IQCH: variants seen among roughly 807,000 people sequenced by gnomAD.
IQCH encodes IQ domain-containing protein H.
Under a neutral mutation model 117.0 loss-of-function variants are expected in IQCH, and 98 were observed. The observed-to-expected ratio is 0.84, with a 90% CI of 0.71 to 0.99. The LOEUF is 0.99. Among genes scored for constraint, IQCH ranks in the 50% least tolerant of loss-of-function variants. The pLI, the probability that IQCH is intolerant of heterozygous loss-of-function variation, is 0.00. For missense variants in IQCH, 1,102 were observed against 1,243.8 expected (o/e 0.89, Z 1.72); for synonymous variants, 412 against 448.2 (o/e 0.92, Z 1.02).
chr15:67,300,056 T>G lies in IQCH; in HGVS notation c.387+20544T>G, dbSNP rs551391182. ...TTATATTTCTATCATTCCTTTGCAT[T>G]TTTTTAGCCTCTATGAGGAAGTTTT... On this transcript the variant is annotated intron_variant, in intron 4 of 20. Coordinates refer to ENST00000335894, the MANE Select transcript of IQCH (RefSeq NM_001031715.3). Among the ~76,000 whole-genome samples the G allele has an allele frequency of 3.9e-5, 6 of 152,242 alleles. No homozygotes were observed. The East Asian group carries it at 1.2e-3, about 29-fold the overall frequency.
intron 15 of IQCH, among the ~76,000 whole-genome samples, chr15:67,420,213 C>T (rs1470490600): frequency 2.0e-5 from 3 of 152,160 alleles, no homozygotes; most frequent in Non-Finnish European, 2.9e-5. Context: ...GTTAGGACTA[C>T]CTCTGACCAA....
intron 18 of IQCH, among the ~76,000 whole-genome samples, chr15:67,483,371 T>G (rs2141068816): frequency 6.6e-6 from 1 of 152,220 alleles, no homozygotes; most frequent in Admixed American, 6.5e-5. Context: ...ACAAAAATTA[T>G]CTGGGCGTGA....
At chr15:67,414,571 T>C (rs1330166847) in intron 14 of IQCH, among the ~76,000 whole-genome samples, 1 of 151,814 alleles carries the variant, frequency 6.6e-6, no homozygotes, top group Non-Finnish European at 1.5e-5. Context: ...GATCCTCAAG[T>C]TGAAGGAGAT....
chr15:67,362,149 CCACA>C (rs5813439), intron 8 of IQCH, among the ~76,000 whole-genome samples: 43,418 of 150,334 alleles, frequency 0.29, 6,323 homozygotes, highest in South Asian at 0.37. Context: ...TACGCACACA[CCACA>C]CACACACACA....
At chr15:67,499,656 TAA>T in intron 20 of IQCH, among the ~76,000 whole-genome samples, 1 of 151,920 alleles carries the variant, frequency 6.6e-6, no homozygotes, top group African/African-American at 2.4e-5. Flanking sequence ...ACATTAATGT[TAA>T]TAGAAGGAAT....
At chr15:67,492,395 G>C (rs2083681342) in intron 19 of IQCH, among the ~76,000 whole-genome samples, 1 of 152,176 alleles carries the variant, frequency 6.6e-6, no homozygotes, top group Admixed American at 6.5e-5. Flanking sequence ...TACATAGGAT[G>C]AGGCTGGGAG....
Position 67,479,466 on chromosome 15 carries a change from C to T in IQCH, c.2799+3648C>T, listed in dbSNP as rs2083290982. Reference sequence around the variant, plus strand: ...TCTCTATTTCTAAAATATTACCAACCCAGTCAAGAAGAATTCTGGAATCCA... The same window carrying T: ...TCTCTATTTCTAAAATATTACCAACTCAGTCAAGAAGAATTCTGGAATCCA... On this transcript the variant is annotated intron_variant, in intron 18 of 20. Coordinates refer to ENST00000335894, the MANE Select transcript of IQCH (RefSeq NM_001031715.3). This position sits in a 1 kb window ranked among gnomAD's most constrained non-coding sequence, Gnocchi z 4.6. Among the ~76,000 whole-genome samples the T allele has an allele frequency of 6.6e-6, 1 of 152,136 alleles. No homozygotes were observed. Among genetic ancestry groups the T allele is most frequent in the East Asian group, 1.9e-4 (1 of 5,202 alleles).
At chr15:67,480,447 G>A (rs945162832) in intron 18 of IQCH, among the ~76,000 whole-genome samples, 3 of 152,148 alleles carry the variant, frequency 2.0e-5, no homozygotes, top group East Asian at 1.9e-4. Flanking sequence ...GGGTCCCTGC[G>A]TGTACTCACA....
At chr15:67,462,901 C>T (rs889914237) in intron 16 of IQCH, among the ~76,000 whole-genome samples, 1 of 152,110 alleles carries the variant, frequency 6.6e-6, no homozygotes, top group African/African-American at 2.4e-5. Context: ...TTTAAGTTGA[C>T]AAATAGGATA....
chr15:67,451,636 A>T (rs1298355022), intron 16 of IQCH, among the ~76,000 whole-genome samples: 1 of 152,184 alleles, frequency 6.6e-6, no homozygotes, highest in Non-Finnish European at 1.5e-5. Flanking sequence ...GGAGTGCTTT[A>T]CTTCCAACTG....
chr15:67,274,709 T>C (rs772560515), intron 3 of IQCH, among the ~76,000 whole-genome samples: 28 of 152,232 alleles, frequency 1.8e-4, no homozygotes, highest in Non-Finnish European at 3.7e-4. Context: ...TGTTTGCTGT[T>C]GATGTGCCTG....
intron 20 of IQCH, among the ~76,000 whole-genome samples, chr15:67,498,227 G>GT (rs2083879639): frequency 6.6e-6 from 1 of 152,132 alleles, no homozygotes; most frequent in African/African-American, 2.4e-5. Flanking sequence ...TTTGGCAAGG[G>GT]TGCTGAAACA....
chr15:67,312,458 T>C (rs751073683), intron 4 of IQCH, among the ~76,000 whole-genome samples: 6 of 152,246 alleles, frequency 3.9e-5, no homozygotes, highest in South Asian at 4.1e-4. Context: ...GGACAAAGTA[T>C]GCATCAGAAC....
chr15:67,395,266 C>G lies in IQCH; in HGVS notation c.1633-25C>G, dbSNP rs1374045793. 2.0e-5 allele frequency: 32 copies of G among 1,596,742 alleles called. No homozygotes were observed. Among genetic ancestry groups the G allele is most frequent in the Non-Finnish European group, 2.6e-5 (31 of 1,170,530 alleles). The stretch of plus-strand genomic sequence containing the variant: ...GACTAGAAAAAAGGACACCTTTTAA[C>G]AAGAATAATATGATCTTCCCCCAGA... On this transcript the variant is annotated intron_variant, in intron 12 of 20. Coordinates refer to ENST00000335894, the MANE Select transcript of IQCH (RefSeq NM_001031715.3). This position sits in a 1 kb window ranked among gnomAD's most constrained non-coding sequence, Gnocchi z 4.0.
rs767364145 is a variant in IQCH at position 67,279,459 on chromosome 15, T to A, written c.334T>A (p.Trp112Arg). 1 of 1,612,110 alleles carries A rather than the reference T, an allele frequency of 6.2e-7. No individual in the cohort carries two copies. The highest frequency in any genetic ancestry group is 1.1e-5 in the South Asian group (1 of 90,824). ...IFPQESEGTF[W>R]QPQRQHSSSL... ...CCCTCAGGAATCTGAGGGTACATTT[T>A]GGCAACCCCAAAGACAGCACAGTTC... is the stretch of plus-strand genomic sequence containing the variant. The change falls in exon 4 of 21, where the codon TGG becomes AGG. Residue 112 changes from tryptophan (W) to arginine (R), a missense_variant. Trp to Arg is a moderately radical substitution (Grantham distance 101). Coordinates refer to ENST00000335894, the MANE Select transcript of IQCH (RefSeq NM_001031715.3).
intron 1 of IQCH, chr15:67,255,271 T>G: frequency 2.6e-6 from 1 of 381,872 alleles, no homozygotes; most frequent in Non-Finnish European, 4.8e-6. Flanking sequence ...CTGAAAAATT[T>G]GAACCCATGA....
Position 67,494,424 on chromosome 15 carries a change from C to T in IQCH, c.2970+58C>T. ...ATTTCTATACAAGGGCTGAAAATAC[C>T]TCATGCTGTATTGTAAACAAGTGCT... On this transcript the variant is annotated intron_variant, in intron 20 of 20. Transcript: ENST00000335894. The surrounding 1 kb of genome is among the most constrained non-coding windows in gnomAD (Gnocchi z 5.5). The T allele has an allele frequency of 3.4e-6, 4 of 1,162,334 alleles. No homozygotes were observed. Among genetic ancestry groups the T allele is most frequent in the South Asian group, 1.4e-5 (1 of 73,436 alleles). 72.0% of individuals were successfully genotyped at this position (1,162,334 alleles called of 1,614,324 possible). A position where few individuals can be genotyped will look rare whatever the true frequency, so the allele number is the denominator to read the frequency against.
chr15:67,301,669 C>G (rs772620668), intron 4 of IQCH, among the ~76,000 whole-genome samples: 78 of 152,034 alleles, frequency 5.1e-4, no homozygotes, highest in Non-Finnish European at 8.8e-4. Context: ...CTCGGCCTCC[C>G]AAAGTGCTGG....
At chr15:67,357,151 C>G (rs1567123062) in intron 6 of IQCH, among the ~76,000 whole-genome samples, 194 bp from the exon 7 acceptor site, 1 of 152,132 alleles carries the variant, frequency 6.6e-6, no homozygotes, top group African/African-American at 2.4e-5. Context: ...AGAACTGTTG[C>G]CCTCTCATGC....
Sources: allele counts gnomAD v4.1 joint callset (sites outside exome capture counted in the v4.1 genomes callset), GRCh38; gene constraint gnomAD v4.1.1; non-coding constraint Gnocchi (gnomAD v3.1); transcripts MANE v1.5; gene names NCBI Gene and HGNC (gene_info 2026-07-23, HGNC 2026-07-21).